Variants in MATN2 observed in about 807,000 individuals in gnomAD.
MATN2 encodes matrilin 2, also known as matrilin-2.
In MATN2, 69 loss-of-function variants were observed where a neutral mutation model predicts 103.2. That is an observed-to-expected ratio of 0.67 (90% CI 0.55 to 0.82). MATN2 has a LOEUF of 0.82. Ranked by LOEUF, MATN2 falls within the 40% of genes least tolerant of loss-of-function variation. The pLI is 0.00. For missense variants in MATN2, 1,023 were observed against 1,211.5 expected (o/e 0.84, Z 2.31); for synonymous variants, 429 against 450.2 (o/e 0.95, Z 0.60).
chr8:98,017,732 G>T (rs1273824787), intron 11 of MATN2, among the ~76,000 whole-genome samples: 1 of 152,232 alleles, frequency 6.6e-6, no homozygotes, highest in Non-Finnish European at 1.5e-5. Context: ...TATGTCTACA[G>T]AAAGTTGATG....
intron 2 of MATN2, among the ~76,000 whole-genome samples, chr8:97,920,916 G>C (rs555786696): frequency 6.6e-6 from 1 of 152,178 alleles, no homozygotes; most frequent in Non-Finnish European, 1.5e-5. Context: ...TAGGGGTGTC[G>C]GTCACAGATG....
rs1393502912 is a variant in MATN2, at chr8:97,998,834, GT to G, written c.1204+4233del. Among the ~76,000 whole-genome samples the G allele has an allele frequency of 2.6e-5, 4 of 152,054 alleles. No individual in the cohort carries two copies. In the East Asian group the frequency reaches 7.7e-4, roughly 29 times the overall value. ...TAAAGACAACATTGGCTTTTTTAGT[GT>G]GGCAAAATATATATAACATAAAATG... is the stretch of plus-strand genomic sequence containing the variant. On this transcript the variant is annotated intron_variant, in intron 7 of 18. Transcript: ENST00000254898.
rs371119965 is a variant in MATN2, at chr8:97,979,007, A to G, written c.1080A>G (p.Thr360=). 46 of 1,610,612 alleles carry G rather than the reference A, an allele frequency of 2.9e-5. No individual in the cohort carries two copies. Among genetic ancestry groups the G allele is most frequent in the Non-Finnish European group, 3.6e-5 (42 of 1,178,384 alleles). Residue 360 remains threonine, a splice_region_variant and synonymous_variant, in exon 6 of 19, where the codon ACA becomes ACG. Coordinates refer to ENST00000254898, the MANE Select transcript of MATN2 (RefSeq NM_002380.5). ...FALNPDKKTC[T]KIDYCASSNH... is the part of the protein sequence containing the mutation. Reference sequence around the variant, plus strand: ...TTAACCCAGATAAAAAAACGTGCACAAGTAAGTTACACACACATGCACACA... The same window carrying G: ...TTAACCCAGATAAAAAAACGTGCACGAGTAAGTTACACACACATGCACACA...
rs754967830 is a variant in MATN2, at chr8:98,003,741, CACCGTGGCTACACTCTGG to C, written c.1289_1306del (p.Arg430_Asp435del). The C allele has an allele frequency of 6.2e-7, 1 of 1,613,590 alleles. No homozygotes were observed. Among genetic ancestry groups the C allele is most frequent in the African/African-American group, 1.3e-5 (1 of 74,900 alleles). On this transcript the variant is annotated inframe_deletion, in exon 8 of 19. Transcript: ENST00000254898. ...GGAGGAGAGCTACTACTGCCGCTGC[CACCGTGGCTACACTCTGG>C]ACCCCAATGGCAAAACCTGCAGCCG...
At chr8:98,033,928 A>C (rs988186534) in intron 18 of MATN2, among the ~76,000 whole-genome samples, 7 of 152,276 alleles carry the variant, frequency 4.6e-5, no homozygotes, top group Admixed American at 3.9e-4. Context: ...CAGCATACAA[A>C]GTAAGGAAAA....
intron 2 of MATN2, among the ~76,000 whole-genome samples, chr8:97,899,322 T>C (rs72675238): frequency 0.096 from 14,605 of 152,252 alleles, 1,017 homozygotes; most frequent in Admixed American, 0.21. Flanking sequence ...TAAATGCCTA[T>C]AGGAAAAGTA....
At chr8:97,950,686 T>G (rs1308374573) in intron 4 of MATN2, 1 of 152,248 alleles carries the variant, frequency 6.6e-6, no homozygotes, top group Non-Finnish European at 1.5e-5. Flanking sequence ...CAGAATTAAG[T>G]AGGAGACCAC....
chr8:98,021,243 C>A lies in MATN2; in HGVS notation c.1858C>A (p.His620Asn). The A allele has an allele frequency of 1.2e-6, 2 of 1,613,692 alleles. No homozygotes were observed. The highest frequency in any genetic ancestry group is 3.3e-5 in the Admixed American group (2 of 60,016). Residue 620 changes from histidine (H) to asparagine (N), a missense_variant, in exon 13 of 19, where the codon CAC (histidine) becomes AAC (asparagine). Coordinates refer to ENST00000254898, the MANE Select transcript of MATN2 (RefSeq NM_002380.5). ...CAAATCAACCCACCATGGCTGCGAA[C>A]ACATTTGTGTTAATAATGGGAATTC... ...VCKSTHHGCE[H>N]ICVNNGNSYI...
chr8:97,963,363 C>G (rs1223432212), intron 5 of MATN2, among the ~76,000 whole-genome samples: 4 of 152,102 alleles, frequency 2.6e-5, no homozygotes, highest in Admixed American at 6.6e-5. Flanking sequence ...AGGGGAGGGA[C>G]AGTAGAACAC....
chr8:97,915,661 T>TCTCTG lies in MATN2; in HGVS notation c.143-15281_143-15277dup, dbSNP rs530676272. Among the ~76,000 whole-genome samples, 451 of 152,334 alleles carry TCTCTG rather than the reference T, an allele frequency of 3.0e-3. 2 individuals carry two copies. Among genetic ancestry groups the TCTCTG allele is most frequent in the Admixed American group, 5.5e-3 (84 of 15,302 alleles). On this transcript the variant is annotated intron_variant, in intron 2 of 18. Transcript: ENST00000254898. ...CCCTGTGTTGCTATTTATTCACAGGTCTCTGCTCTGCTCTGGCTTTCACTT... is the reference window on the plus strand; with the variant it reads ...CCCTGTGTTGCTATTTATTCACAGGTCTCTGCTCTGCTCTGCTCTGGCTTTCACTT...
At chr8:97,908,064 GAGT>G (rs1010646977) in intron 2 of MATN2, among the ~76,000 whole-genome samples, 4 of 152,236 alleles carry the variant, frequency 2.6e-5, no homozygotes, top group African/African-American at 9.6e-5. Context: ...ATGGGCCAAG[GAGT>G]TTTTGGTTTT....
chr8:97,913,377 C>T (rs1430460085), intron 2 of MATN2, among the ~76,000 whole-genome samples: 1 of 150,220 alleles, frequency 6.7e-6, no homozygotes, highest in African/African-American at 2.5e-5. Flanking sequence ...TGCAGTGGCA[C>T]GATCTTGGCT....
chr8:97,898,027 A>G (rs888029835), intron 2 of MATN2, among the ~76,000 whole-genome samples: 3 of 151,458 alleles, frequency 2.0e-5, no homozygotes, highest in African/African-American at 4.9e-5. Context: ...TTCCTTTTCT[A>G]TAAACTTCCT....
intron 6 of MATN2, among the ~76,000 whole-genome samples, chr8:97,994,136 G>A (rs1355834754): frequency 7.0e-6 from 1 of 143,712 alleles, no homozygotes; most frequent in African/African-American, 2.6e-5. Flanking sequence ...GGGAGAGAGA[G>A]GAAGGAAGGA....
chr8:97,964,934 A>T (rs561992926), intron 5 of MATN2, among the ~76,000 whole-genome samples: 1 of 151,202 alleles, frequency 6.6e-6, no homozygotes, highest in Non-Finnish European at 1.5e-5. Context: ...GGGTCTTGCT[A>T]TGTTGCCCAG....
chr8:97,958,979 C>T (rs1811223841), intron 4 of MATN2, among the ~76,000 whole-genome samples: 1 of 152,192 alleles, frequency 6.6e-6, no homozygotes, highest in African/African-American at 2.4e-5. Context: ...CTCACGCGTC[C>T]CAAGCCTGGA....
chr8:97,931,126 A>G lies in MATN2; in HGVS notation c.316A>G (p.Lys106Glu). 6.2e-7 allele frequency: 1 copy of G among 1,614,024 alleles called. No homozygotes were observed. The highest frequency in any genetic ancestry group is 8.5e-7 in the Non-Finnish European group (1 of 1,179,882). ...CCTGCTCCAATATGGCAGCACTGTC[A>G]AGAATGAGTTCTCCCTCAAGACCTT... ...VGLLQYGSTVKNEFSLKTFKR... is the reference protein window; with the variant it reads ...VGLLQYGSTVENEFSLKTFKR... Residue 106 changes from lysine to glutamate, a missense_variant, in exon 3 of 19, where the codon AAG becomes GAG. By Grantham distance (56) the Lys-to-Glu change is moderately conservative (BLOSUM62 1). Coordinates refer to ENST00000254898, the MANE Select transcript of MATN2 (RefSeq NM_002380.5). The surrounding 1 kb of genome is among the most constrained non-coding windows in gnomAD (Gnocchi z 4.1).
Position 97,982,022 on chromosome 8 carries a change from G to T in MATN2, c.1081+3014G>T, listed in dbSNP as rs897553696. On this transcript the variant is annotated intron_variant, in intron 6 of 18. Coordinates refer to ENST00000254898, the MANE Select transcript of MATN2 (RefSeq NM_002380.5). This position sits in a 1 kb window ranked among gnomAD's most constrained non-coding sequence, Gnocchi z 4.3. Reference sequence around the variant, plus strand: ...GTTGTCAGAATCAAGATCCAGAAGTGGGCCGCCCCAATGCGTGTGCAGGGA... The same window carrying T: ...GTTGTCAGAATCAAGATCCAGAAGTTGGCCGCCCCAATGCGTGTGCAGGGA... Among the ~76,000 whole-genome samples the T allele has an allele frequency of 5.3e-5, 8 of 152,228 alleles. No homozygotes were observed. Among genetic ancestry groups the T allele is most frequent in the Non-Finnish European group, 1.0e-4 (7 of 68,036 alleles).
At chr8:97,971,697 G>A (rs1811659115) in intron 5 of MATN2, among the ~76,000 whole-genome samples, 1 of 152,166 alleles carries the variant, frequency 6.6e-6, no homozygotes. Context: ...CTTTGGTCCT[G>A]TTTGCATCTT....
Sources: gnomAD v4.1 joint callset for allele counts (sites outside exome capture counted in the v4.1 genomes callset) on GRCh38, gnomAD v4.1.1 for gene constraint, Gnocchi (gnomAD v3.1) non-coding constraint, MANE v1.5 for transcripts, NCBI Gene and HGNC (gene_info 2026-07-23, HGNC 2026-07-21) for gene names.